The following FSTL5 variants were observed in gnomAD, a reference collection of about 807,000 sequenced individuals.
FSTL5 encodes the protein follistatin like 5, also known as follistatin-related protein 5.
A neutral mutation model predicts 89.1 loss-of-function variants in FSTL5; 62 were observed. The ratio of observed to expected loss-of-function variants is 0.70; its 90% confidence interval spans 0.57 to 0.86. The LOEUF is 0.86. Ranked by LOEUF, FSTL5 falls within the 40% of genes least tolerant of loss-of-function variation. FSTL5 has a pLI of 0.00. For synonymous variants in FSTL5, 383 were observed against 346.2 expected (o/e 1.11, Z -1.18); for missense variants, 1,057 against 1,001.6 (o/e 1.06, Z -0.75).
rs201348773 is a variant in FSTL5 at position 161,430,746 on chromosome 4, A to G, written c.1841+24258T>C. ...CAGAGCGCGACTCCGTCAGAAAACA[A>G]AAACAAAAACAAAAAAATCCAACTC... is the stretch of plus-strand genomic sequence containing the variant. On this transcript the variant is annotated intron_variant, in intron 15 of 15. Transcript: ENST00000306100. 2.0e-5 allele frequency among the ~76,000 whole-genome samples: 3 copies of G among 152,280 alleles called. No individual in the cohort carries two copies. In the East Asian group the frequency reaches 5.8e-4, roughly 29 times the overall value.
At chr4:161,394,984 C>T (rs1385165360) in intron 15 of FSTL5, among the ~76,000 whole-genome samples, 2 of 151,970 alleles carry the variant, frequency 1.3e-5, no homozygotes, top group African/African-American at 2.4e-5. Flanking sequence ...GAAGAAATAG[C>T]CTTTTTGTAG....
At chr4:161,868,098 T>C (rs1227102264) in intron 4 of FSTL5, among the ~76,000 whole-genome samples, 1 of 151,420 alleles carries the variant, frequency 6.6e-6, no homozygotes, top group Non-Finnish European at 1.5e-5. Context: ...TTTAATTAAA[T>C]ATGTAAATGT....
intron 1 of FSTL5, among the ~76,000 whole-genome samples, chr4:162,117,531 G>T (rs1455942579): frequency 6.6e-6 from 1 of 152,192 alleles, no homozygotes; most frequent in Non-Finnish European, 1.5e-5. Context: ...GGAGAAGGAT[G>T]TGATTAGAGA....
chr4:161,930,928 C>T lies in FSTL5; in HGVS notation c.161-10276G>A, dbSNP rs144450203. Among the ~76,000 whole-genome samples, 59 of 151,658 alleles carry T rather than the reference C, an allele frequency of 3.9e-4. 1 individual carries two copies. The highest frequency in any genetic ancestry group is 3.4e-3 in the Middle Eastern group (1 of 292). On this transcript the variant is annotated intron_variant, in intron 3 of 15. Coordinates refer to ENST00000306100, the MANE Select transcript of FSTL5 (RefSeq NM_020116.5). ...ATCTGCTGCCTGAATTAGACAAAGG[C>T]GAAGGGGGAAATAATAAATACTACC...
At chr4:161,542,436 C>A in intron 9 of FSTL5, 96 bp downstream of exon 9, 1 of 710,182 alleles carries the variant, frequency 1.4e-6, no homozygotes, top group African/African-American at 1.9e-5. Flanking sequence ...TTGCCACCAA[C>A]ACTCATTTTT....
intron 7 of FSTL5, among the ~76,000 whole-genome samples, chr4:161,621,267 T>TACACACACACACACAC (rs146037793): frequency 6.8e-6 from 1 of 146,182 alleles, no homozygotes; most frequent in African/African-American, 2.5e-5. Context: ...ATGTAAAGAC[T>TACACACACACACACAC]ACACACACAC....
chr4:161,492,478 T>C (rs999310397), intron 12 of FSTL5, among the ~76,000 whole-genome samples: 8 of 152,174 alleles, frequency 5.3e-5, no homozygotes, highest in Non-Finnish European at 8.8e-5. Flanking sequence ...TATATATGCA[T>C]ATAAATGTAA....
intron 13 of FSTL5, among the ~76,000 whole-genome samples, chr4:161,466,242 A>G (rs1733743852): frequency 6.6e-6 from 1 of 152,210 alleles, no homozygotes; most frequent in Admixed American, 6.5e-5. Context: ...ACTCCCTCAC[A>G]ATCCCAACAT....
At chr4:162,068,567 C>T (rs947824302) in intron 2 of FSTL5, among the ~76,000 whole-genome samples, 1 of 152,008 alleles carries the variant, frequency 6.6e-6, no homozygotes, top group African/African-American at 2.4e-5. Context: ...GGATTAAAGA[C>T]TTAAACGTAA....
intron 4 of FSTL5, among the ~76,000 whole-genome samples, chr4:161,898,628 T>C (rs1353748363): frequency 2.3e-5 from 3 of 133,000 alleles, no homozygotes; most frequent in African/African-American, 8.4e-5. Context: ...CTGTATTATA[T>C]TCTTTTTTTT....
chr4:161,996,996 T>G (rs2111093951), intron 3 of FSTL5, among the ~76,000 whole-genome samples: 1 of 152,356 alleles, frequency 6.6e-6, no homozygotes. Flanking sequence ...CAATGAAATT[T>G]ATGTGAATAT....
At chr4:161,845,898 T>C (rs1560878220) in intron 4 of FSTL5, among the ~76,000 whole-genome samples, 1 of 151,968 alleles carries the variant, frequency 6.6e-6, no homozygotes, top group Non-Finnish European at 1.5e-5. Context: ...ATACAAAAAT[T>C]AGCTGGGCAT....
At chr4:162,046,235 T>C (rs1403253444) in intron 2 of FSTL5, among the ~76,000 whole-genome samples, 3 of 152,128 alleles carry the variant, frequency 2.0e-5, no homozygotes, top group African/African-American at 7.2e-5. Context: ...ATATTCTATC[T>C]GGAAAGACAA....
intron 2 of FSTL5, among the ~76,000 whole-genome samples, chr4:162,053,802 A>T (rs187810317): frequency 2.0e-5 from 3 of 151,928 alleles, no homozygotes; most frequent in Admixed American, 1.3e-4. Flanking sequence ...TTTATTTTTT[A>T]AAAGTGAACA....
intron 6 of FSTL5, among the ~76,000 whole-genome samples, chr4:161,680,082 A>G (rs1737464125): frequency 6.6e-6 from 1 of 151,942 alleles, no homozygotes; most frequent in Non-Finnish European, 1.5e-5. Flanking sequence ...CCATTATTAT[A>G]CCAAGATAAT....
intron 8 of FSTL5, among the ~76,000 whole-genome samples, chr4:161,550,455 A>G (rs1732160713): frequency 1.3e-5 from 2 of 151,904 alleles, no homozygotes; most frequent in African/African-American, 4.8e-5. Flanking sequence ...CTCCTAATGT[A>G]TTTAGAACAG....
intron 3 of FSTL5, among the ~76,000 whole-genome samples, chr4:161,983,717 T>C (rs1215782939): frequency 6.6e-6 from 1 of 152,158 alleles, no homozygotes; most frequent in Non-Finnish European, 1.5e-5. Flanking sequence ...ATCTTATGAA[T>C]ACATGTTTTT....
At chr4:161,770,458 A>G (rs1364899493) in intron 5 of FSTL5, among the ~76,000 whole-genome samples, 24 of 151,934 alleles carry the variant, frequency 1.6e-4, no homozygotes, top group Non-Finnish European at 1.5e-5. Flanking sequence ...GTCTCATGTA[A>G]CCCTTATGTA....
At chr4:161,684,333 A>G (rs1737631740) in intron 6 of FSTL5, among the ~76,000 whole-genome samples, 2 of 152,084 alleles carry the variant, frequency 1.3e-5, no homozygotes, top group African/African-American at 4.8e-5. Context: ...CTACTTTTAG[A>G]TCTTTAAGGA....
Sources: allele counts gnomAD v4.1 joint callset (sites outside exome capture counted in the v4.1 genomes callset), GRCh38; gene constraint gnomAD v4.1.1; transcripts MANE v1.5; gene names NCBI Gene and HGNC (gene_info 2026-07-23, HGNC 2026-07-21).